Variants in STAB1 observed in about 807,000 individuals in gnomAD.
The protein encoded by STAB1 is stabilin-1.
In STAB1, 250 loss-of-function variants were observed where a neutral mutation model predicts 332.4. That is an observed-to-expected ratio of 0.75 (90% CI 0.68 to 0.84). The LOEUF (loss-of-function observed/expected upper bound fraction) is 0.84. Ranked by LOEUF, STAB1 falls within the 40% of genes least tolerant of loss-of-function variation. STAB1 has a pLI of 0.00. For synonymous variants in STAB1, 1,475 were observed against 1,390.4 expected (o/e 1.06, Z -1.35); for missense variants, 3,249 against 3,489.7 (o/e 0.93, Z 1.74).
intron 1 of STAB1, 66 bp downstream of exon 1, chr3:52,495,557 G>A: frequency 4.8e-6 from 6 of 1,247,638 alleles, no homozygotes; most frequent in Non-Finnish European, 6.1e-6. Context: ...TGGGAACAGG[G>A]AGGGACTGAC....
At chr3:52,515,981 C>T in intron 37 of STAB1, 62 bp from the exon 38 acceptor site, 3 of 1,490,506 alleles carry the variant, frequency 2.0e-6, no homozygotes, top group East Asian at 2.4e-5. Flanking sequence ...TGCCCCCGTT[C>T]CCCTTCCCCC....
At chr3:52,499,898 C>CAAAAAA (rs4045133) in intron 1 of STAB1, among the ~76,000 whole-genome samples, 1 of 37,070 alleles carries the variant, frequency 2.7e-5, no homozygotes, top group East Asian at 9.5e-4. Context: ...GACTCCATCT[C>CAAAAAA]AAAAAAAAAA....
intron 29 of STAB1, 72 bp downstream of exon 29, chr3:52,513,030 GC>G: frequency 6.4e-7 from 1 of 1,567,128 alleles, no homozygotes; most frequent in Non-Finnish European, 8.6e-7. Context: ...CGAGTCCTCA[GC>G]CTGGCAGGCA....
chr3:52,508,265 T>G lies in STAB1; in HGVS notation c.2149-8T>G. On this transcript the variant is annotated splice_polypyrimidine_tract_variant and splice_region_variant and intron_variant, in intron 20 of 68. Coordinates refer to ENST00000321725, the MANE Select transcript of STAB1 (RefSeq NM_015136.3). ...GATGGCCTCTTGGACCTGTTCTGTC[T>G]CTTATAGGAACAAGGCTGCTGCAAA... The G allele has an allele frequency of 6.2e-7, 1 of 1,609,154 alleles. No individual in the cohort carries two copies. The highest frequency in any genetic ancestry group is 8.5e-7 in the Non-Finnish European group (1 of 1,176,468).
chr3:52,520,340 T>TG, intron 52 of STAB1, 50 bp downstream of exon 52: 1 of 1,612,886 alleles, frequency 6.2e-7, no homozygotes, highest in South Asian at 1.1e-5. Flanking sequence ...GCAGGGGCCC[T>TG]GGCAGTAGCA....
At chr3:52,510,262 G>C (rs375650948) in intron 24 of STAB1, 27 bp downstream of exon 24, 41 of 1,613,926 alleles carry the variant, frequency 2.5e-5, no homozygotes, top group Non-Finnish European at 3.4e-5. Context: ...CTTCCCTGAA[G>C]TTCTGACCCA....
intron 25 of STAB1, among the ~76,000 whole-genome samples, chr3:52,511,134 T>G (rs1314510238): frequency 8.5e-5 from 13 of 152,110 alleles, no homozygotes; most frequent in Admixed American, 8.5e-4. Flanking sequence ...AGAACAGAGG[T>G]GTTGAATGAG....
At chr3:52,503,155 G>A (rs762362341) in intron 7 of STAB1, 46 bp downstream of exon 7, 16 of 1,531,622 alleles carry the variant, frequency 1.0e-5, no homozygotes, top group Non-Finnish European at 1.4e-5. Context: ...AGGGCGGGCG[G>A]GGGCTGGGAG....
At position 52,519,241 on chromosome 3, in the gene STAB1, T is replaced by G. The variant is rs369477132; in HGVS notation, c.5035-23T>G. Reference sequence around the variant, plus strand: ...CCGAGCACCCCACCTATCTGCTTCATCAGCCCCGTGCCCCGCCCCCAGGGC... The same window carrying G: ...CCGAGCACCCCACCTATCTGCTTCAGCAGCCCCGTGCCCCGCCCCCAGGGC... On this transcript the variant is annotated intron_variant, in intron 48 of 68. Coordinates refer to ENST00000321725, the MANE Select transcript of STAB1 (RefSeq NM_015136.3). 9 of 1,603,328 alleles carry G rather than the reference T, an allele frequency of 5.6e-6. No individual in the cohort carries two copies. The African/African-American group carries it at 1.2e-4, about 22-fold the overall frequency.
At chr3:52,508,688 G>A in intron 21 of STAB1, 1 of 353,532 alleles carries the variant, frequency 2.8e-6, no homozygotes, top group Non-Finnish European at 5.5e-6. Flanking sequence ...CTGGTGTTAT[G>A]GCACACACCT....
Position 52,506,860 on chromosome 3 carries a change from G to A in STAB1, c.1989+10G>A, listed in dbSNP as rs773720653. On this transcript the variant is annotated intron_variant, in intron 18 of 68. Coordinates refer to ENST00000321725, the MANE Select transcript of STAB1 (RefSeq NM_015136.3). The stretch of plus-strand genomic sequence containing the variant: ...GCACAAGATTGTGGCGGTGAGCCTC[G>A]CCTGCACGGCCAGGGCCCTACTCAC... 8 of 1,612,084 alleles carry A rather than the reference G, an allele frequency of 5.0e-6. 1 individual carries two copies. Among genetic ancestry groups the A allele is most frequent in the South Asian group, 2.2e-5 (2 of 90,986 alleles).
intron 47 of STAB1, 42 bp downstream of exon 47, chr3:52,518,655 C>G: frequency 1.2e-6 from 2 of 1,611,442 alleles, no homozygotes; most frequent in Non-Finnish European, 1.7e-6. Context: ...GCTGGGTGCT[C>G]TGGTGGTGGC....
At chr3:52,496,911 G>A (rs1708070040) in intron 1 of STAB1, among the ~76,000 whole-genome samples, 1 of 152,200 alleles carries the variant, frequency 6.6e-6, no homozygotes, top group African/African-American at 2.4e-5. Flanking sequence ...AGTGCAGTTG[G>A]CCCTCTGTAT....
Position 52,523,948 on chromosome 3 carries a change from C to T in STAB1, c.7473C>T (p.Gly2491=), listed in dbSNP as rs200611891. The change falls in exon 67 of 69, where the codon GGC becomes GGT. Residue 2491 remains glycine, a synonymous_variant. Transcript: ENST00000321725. The part of the protein sequence containing the change: ...GAVLAAGALL[G]LVAGALYLRA... ...TGCTTGCCGCTGGAGCACTGCTTGG[C>T]TTGGTGGCCGGAGCTCTCTACCTCC... is the stretch of plus-strand genomic sequence containing the variant. 3.0e-5 allele frequency: 49 copies of T among 1,610,882 alleles called. No homozygotes were observed. The highest frequency in any genetic ancestry group is 4.1e-5 in the Non-Finnish European group (48 of 1,179,932).
chr3:52,519,669 G>T, intron 50 of STAB1, 105 bp downstream of exon 50: 1 of 1,483,800 alleles, frequency 6.7e-7, no homozygotes, highest in Non-Finnish European at 9.2e-7. Flanking sequence ...TGTGCACACT[G>T]TCCCGTGTGA....
rs928259581 is a variant in STAB1 at position 52,520,260 on chromosome 3, C to T, written c.5469C>T (p.Pro1823=). Residue 1823 remains proline, a synonymous_variant, in exon 52 of 69, where the codon CCC becomes CCT. Coordinates refer to ENST00000321725, the MANE Select transcript of STAB1 (RefSeq NM_015136.3). ...LGPLRTMHGT[P]ISFSCSRTRA... ...CACTTCGAACCATGCATGGGACCCC[C>T]ATCTCTTTCTCCTGCAGCCGAACGC... The T allele has an allele frequency of 1.9e-6, 3 of 1,613,170 alleles. No individual in the cohort carries two copies. Among genetic ancestry groups the T allele is most frequent in the African/African-American group, 1.3e-5 (1 of 75,078 alleles).
rs1709018305 is a variant in STAB1 at position 52,508,123 on chromosome 3, A to C, written c.2148+97A>C. ...GGGCTGAGTGGGCTCCCTCCCTCAG[A>C]GGATGCACTGCAGCCTGACGGTGGA... is the stretch of plus-strand genomic sequence containing the variant. On this transcript the variant is annotated intron_variant, in intron 20 of 68. Coordinates refer to ENST00000321725, the MANE Select transcript of STAB1 (RefSeq NM_015136.3). 8.0e-6 allele frequency: 11 copies of C among 1,383,634 alleles called. No individual in the cohort carries two copies. The South Asian group carries it at 1.3e-4, about 16-fold the overall frequency. The allele number at this position is 1,383,634 out of a possible 1,614,324, so 85.7% of individuals were successfully genotyped here.
At position 52,519,254 on chromosome 3, in the gene STAB1, C is replaced by G. The variant is rs1467502619; in HGVS notation, c.5035-10C>G. The stretch of plus-strand genomic sequence containing the variant: ...CTATCTGCTTCATCAGCCCCGTGCC[C>G]CGCCCCCAGGGCAGCATATACCTCA... On this transcript the variant is annotated splice_polypyrimidine_tract_variant and intron_variant, in intron 48 of 68. Transcript: ENST00000321725. 1.2e-6 allele frequency: 2 copies of G among 1,609,606 alleles called. No individual in the cohort carries two copies. Among genetic ancestry groups the G allele is most frequent in the Non-Finnish European group, 1.7e-6 (2 of 1,177,920 alleles).
At position 52,503,782 on chromosome 3, in the gene STAB1, C is replaced by G; in HGVS notation, c.902C>G (p.Thr301Ser). 2 of 1,613,156 alleles carry G rather than the reference C, an allele frequency of 1.2e-6. No individual in the cohort carries two copies. Among genetic ancestry groups the G allele is most frequent in the Non-Finnish European group, 1.7e-6 (2 of 1,180,016 alleles). Residue 301 changes from threonine to serine, a missense_variant, in exon 9 of 69, where the codon ACC becomes AGC. Transcript: ENST00000321725. ...CCTGTCGGGGGCCAGGCCTTCTGCA[C>G]CTGCCGGCCAGGCCTGGTCAGCATC... ...VYQKPGQAFC[T>S]CRPGLVSINS...
Sources: allele counts gnomAD v4.1 joint callset (sites outside exome capture counted in the v4.1 genomes callset), GRCh38; gene constraint gnomAD v4.1.1; transcripts MANE v1.5; gene names NCBI Gene and HGNC (gene_info 2026-07-23, HGNC 2026-07-21).